Variants in SLC14A1 observed in about 807,000 individuals in gnomAD.
SLC14A1 encodes the protein solute carrier family 14 member 1 (Kidd blood group), also known as urea transporter 1.
A neutral mutation model predicts 39.6 loss-of-function variants in SLC14A1; 36 were observed. The observed-to-expected ratio is 0.91, with a 90% CI of 0.70 to 1.20. SLC14A1 has a LOEUF of 1.20. SLC14A1 is among the 50% of genes most tolerant of loss of function. SLC14A1 has a pLI of 0.00. For missense variants in SLC14A1, 469 were observed against 478.7 expected (o/e 0.98, Z 0.19); for synonymous variants, 164 against 173.6 (o/e 0.94, Z 0.43).
At chr18:45,732,263 C>A (rs2047052188) in intron 4 of SLC14A1, among the ~76,000 whole-genome samples, 1 of 152,122 alleles carries the variant, frequency 6.6e-6, no homozygotes, top group Non-Finnish European at 1.5e-5. Flanking sequence ...AATGGAAATT[C>A]TCTGTTTTAA....
rs372242855 is a variant in SLC14A1, at chr18:45,746,562, G to A, written c.947-1814G>A. On this transcript the variant is annotated intron_variant, in intron 8 of 9. Coordinates refer to ENST00000321925, the MANE Select transcript of SLC14A1 (RefSeq NM_015865.7). ...CTCATGTGCTCAGGGGTGGTGTTGT[G>A]GTAGAGGGGGCACTCAAGAGATCAG... is the stretch of plus-strand genomic sequence containing the variant. 6.6e-5 allele frequency among the ~76,000 whole-genome samples: 10 copies of A among 152,310 alleles called. No individual in the cohort carries two copies. The East Asian group carries it at 1.3e-3, about 21-fold the overall frequency.
At chr18:45,740,428 T>C (rs1227222433) in intron 8 of SLC14A1, among the ~76,000 whole-genome samples, 2 of 151,474 alleles carry the variant, frequency 1.3e-5, no homozygotes, top group Non-Finnish European at 1.5e-5. Context: ...GGGAAGAATA[T>C]TTCTTTTTTT....
chr18:45,749,113 G>C (rs534948326), intron 9 of SLC14A1, among the ~76,000 whole-genome samples: 1 of 151,200 alleles, frequency 6.6e-6, no homozygotes, highest in East Asian at 2.0e-4. Flanking sequence ...TTCTGATAGA[G>C]TAGGTCTTGT....
Position 45,749,928 on chromosome 18 carries a change from A to G in SLC14A1, c.1147A>G (p.Arg383Gly). The G allele has an allele frequency of 6.2e-7, 1 of 1,614,210 alleles. No homozygotes were observed. The highest frequency in any genetic ancestry group is 8.5e-7 in the Non-Finnish European group (1 of 1,180,028). ...CATCTTCTACCTGCAAGCCAAGAAA[A>G]GAATGGTGGAAAGCCCTTTGTGAGA... ...NRIFYLQAKK[R>G]MVESPL Residue 383 changes from arginine (R) to glycine (G), a missense_variant, in exon 10 of 10, where the codon AGA becomes GGA. By Grantham distance (125) the Arg-to-Gly change is moderately radical. Transcript: ENST00000321925.
intron 2 of SLC14A1, 162 bp from the exon 3 acceptor site, chr18:45,730,138 T>G (rs2046984717): frequency 1.5e-6 from 1 of 646,882 alleles, no homozygotes; most frequent in Admixed American, 3.1e-5. Context: ...GGGATTTGGG[T>G]TTGGCTAATA....
intron 5 of SLC14A1, 145 bp from the exon 6 acceptor site, chr18:45,736,311 C>A: frequency 1.4e-6 from 1 of 739,684 alleles, no homozygotes; most frequent in Non-Finnish European, 2.4e-6. Flanking sequence ...GGATTTATCC[C>A]AAGTTTTCTT....
intron 4 of SLC14A1, among the ~76,000 whole-genome samples, chr18:45,733,022 G>A (rs763673439): frequency 1.1e-4 from 17 of 152,174 alleles, no homozygotes; most frequent in South Asian, 8.3e-4. Context: ...AATACCACAC[G>A]TTTTCACTTA....
At chr18:45,729,185 T>A (rs1005810002) in intron 2 of SLC14A1, 1 of 152,222 alleles carries the variant, frequency 6.6e-6, no homozygotes, top group Non-Finnish European at 1.5e-5. Flanking sequence ...GGCTTCAACA[T>A]TCCACAATTA....
chr18:45,742,704 C>T (rs2047420377), intron 8 of SLC14A1, among the ~76,000 whole-genome samples: 5 of 148,354 alleles, frequency 3.4e-5, no homozygotes, highest in African/African-American at 1.3e-4. Flanking sequence ...TTGAGATGGA[C>T]TCTTGCTCTG....
At chr18:45,735,348 C>T (rs900736397) in intron 5 of SLC14A1, among the ~76,000 whole-genome samples, 3 of 152,204 alleles carry the variant, frequency 2.0e-5, no homozygotes, top group South Asian at 4.1e-4. Context: ...CGAGAATTTG[C>T]GTTTCTAACG....
chr18:45,734,519 A>T, intron 5 of SLC14A1, 117 bp downstream of exon 5: 1 of 1,054,366 alleles, frequency 9.5e-7, no homozygotes, highest in Non-Finnish European at 1.4e-6. Flanking sequence ...ATGTTCTCTG[A>T]ATGTATAGTG....
Position 45,752,052 on chromosome 18 carries a change from C to T in SLC14A1, c.*2101C>T, listed in dbSNP as rs1397683309. 1.3e-5 allele frequency: 13 copies of T among 985,264 alleles called. No individual in the cohort carries two copies. Among genetic ancestry groups the T allele is most frequent in the South Asian group, 4.7e-5 (1 of 21,286 alleles). 61.0% of individuals were successfully genotyped at this position (985,264 alleles called of 1,614,324 possible). ...CAGGAAACCAAGCAAGCAAACATAT[C>T]GTTCCAATTTTAAAACCCAGTGACC... is the stretch of plus-strand genomic sequence containing the variant. On this transcript the variant is annotated 3_prime_UTR_variant, in exon 10 of 10. Coordinates refer to ENST00000321925, the MANE Select transcript of SLC14A1 (RefSeq NM_015865.7).
chr18:45,730,051 A>G (rs1260256557), intron 2 of SLC14A1: 1 of 400,232 alleles, frequency 2.5e-6, no homozygotes, highest in Non-Finnish European at 4.5e-6. Flanking sequence ...TTGTTGGACC[A>G]GACACTGCAC....
chr18:45,744,736 A>G (rs2047493802), intron 8 of SLC14A1, among the ~76,000 whole-genome samples: 1 of 152,092 alleles, frequency 6.6e-6, no homozygotes, highest in Non-Finnish European at 1.5e-5. Context: ...TACTTTGTCA[A>G]ATCTTTTCAA....
Position 45,751,510 on chromosome 18 carries a change from G to A in SLC14A1, c.*1559G>A, listed in dbSNP as rs765953929. The A allele has an allele frequency of 1.4e-4, 136 of 984,948 alleles. No homozygotes were observed. Among genetic ancestry groups the A allele is most frequent in the Non-Finnish European group, 1.6e-4 (135 of 829,836 alleles). The allele number at this position is 984,948 out of a possible 1,614,324, so 61.0% of individuals were successfully genotyped here. On this transcript the variant is annotated 3_prime_UTR_variant, in exon 10 of 10. Transcript: ENST00000321925. ...CAACAGAAGTCACGTTCAGGGACTG[G>A]CTCACACCTGTAATCCCAGCACTTT...
chr18:45,740,924 T>G (rs28898887), intron 8 of SLC14A1, among the ~76,000 whole-genome samples: 3,354 of 152,276 alleles, frequency 0.022, 119 homozygotes, highest in African/African-American at 0.071. Context: ...TAATCCTTTC[T>G]GACTCCCAGT....
At chr18:45,733,171 A>C (rs757775814) in intron 4 of SLC14A1, among the ~76,000 whole-genome samples, 1 of 152,190 alleles carries the variant, frequency 6.6e-6, no homozygotes, top group Non-Finnish European at 1.5e-5. Context: ...GACGAGTTCA[A>C]TAGAAGCCCA....
intron 9 of SLC14A1, 145 bp downstream of exon 9, chr18:45,748,570 C>A: frequency 2.4e-6 from 2 of 832,044 alleles, no homozygotes; most frequent in Middle Eastern, 2.4e-4. Flanking sequence ...TCCTGGAGCT[C>A]CCTGGCCTTT....
intron 4 of SLC14A1, among the ~76,000 whole-genome samples, chr18:45,733,204 T>C (rs1206888706): frequency 6.6e-6 from 1 of 152,136 alleles, no homozygotes; most frequent in African/African-American, 2.4e-5. Flanking sequence ...CATCATGCAA[T>C]ACATCTATGT....
Sources: gnomAD v4.1 joint callset for allele counts (sites outside exome capture counted in the v4.1 genomes callset) on GRCh38, gnomAD v4.1.1 for gene constraint, MANE v1.5 for transcripts, NCBI Gene and HGNC (gene_info 2026-07-23, HGNC 2026-07-21) for gene names.